Variants in POU2F2 observed in about 807,000 individuals in gnomAD.
POU2F2 encodes the protein POU class 2 homeobox 2, also known as POU domain, class 2, transcription factor 2.
Under a neutral mutation model 63.5 loss-of-function variants are expected in POU2F2, and 14 were observed. That is an observed-to-expected ratio of 0.22 (90% CI 0.15 to 0.34). The LOEUF (loss-of-function observed/expected upper bound fraction) is 0.34. Among genes scored for constraint, POU2F2 ranks in the 10% least tolerant of loss-of-function variants. POU2F2 has a pLI of 1.00. For missense variants in POU2F2, 607 were observed against 815.2 expected (o/e 0.74, Z 3.11); for synonymous variants, 306 against 348.6 (o/e 0.88, Z 1.36).
chr19:42,155,885 G>A lies in POU2F2; in HGVS notation c.-9+4447C>T, dbSNP rs946175017. ...AATGAAGACTAAGAAAAGGAAGAAA[G>A]ATGATGCTGGGGCTGGAGCCAAAGG... On this transcript the variant is annotated intron_variant, in intron 2 of 6. Transcript: ENST00000524801. The surrounding 1 kb of genome is among the most constrained non-coding windows in gnomAD (Gnocchi z 4.2). 1.3e-5 allele frequency: 2 copies of A among 152,486 alleles called. No homozygotes were observed. The highest frequency in any genetic ancestry group is 4.8e-5 in the African/African-American group (2 of 41,454). 9.4% of individuals were successfully genotyped at this position (152,486 alleles called of 1,614,324 possible).
At chr19:42,137,708 A>C (rs528139481) in intron 2 of POU2F2, among the ~76,000 whole-genome samples, 2 of 152,256 alleles carry the variant, frequency 1.3e-5, no homozygotes, top group Non-Finnish European at 2.9e-5. Context: ...ACAGAGAGAG[A>C]CCCTGACTCT....
rs79589916 is a variant in POU2F2 at position 42,185,415 on chromosome 19, T to G, written c.-70+10968A>C. Among the ~76,000 whole-genome samples the G allele has an allele frequency of 5.2e-3, 793 of 152,292 alleles. 21 individuals are homozygous for G. Among genetic ancestry groups the G allele is most frequent in the East Asian group, 0.024 (124 of 5,178 alleles). On this transcript the variant is annotated intron_variant, in intron 1 of 5. Coordinates refer to the POU2F2 transcript ENST00000532176. ...TCACTCCCCTGCTTCAAACTCTTAC[T>G]TCCTGTTGCACACAGGACAAAAGCC...
chr19:42,191,807 G>GTTGTGGTTAAAATCAGGGATTTT (rs2035078065), intron 1 of POU2F2, among the ~76,000 whole-genome samples: 1 of 152,200 alleles, frequency 6.6e-6, no homozygotes, highest in Admixed American at 6.5e-5. Flanking sequence ...TTTGAACTGG[G>GTTGTGGTTAAAATCAGGGATTTT]TTGTGGTTAA....
chr19:42,091,521 G>A lies in POU2F2; in HGVS notation c.1611C>T (p.Ala537=), dbSNP rs1373109156. 1.7e-5 allele frequency: 26 copies of A among 1,546,390 alleles called. No individual in the cohort carries two copies. Among genetic ancestry groups the A allele is most frequent in the South Asian group, 3.6e-5 (3 of 83,476 alleles). ...DGSGNLVLGA[A]GAAPGSPGLV... is the part of the protein sequence containing the mutation. ...GGCCAGGGCTCCCCGGGGCTGCACCGGCTGCCCCCAGCACCAGATTCCCGC... is the reference window on the plus strand; with the variant it reads ...GGCCAGGGCTCCCCGGGGCTGCACCAGCTGCCCCCAGCACCAGATTCCCGC... The change falls in exon 15 of 15, where the codon GCC becomes GCT. Residue 537 remains alanine, a synonymous_variant. Transcript: ENST00000692977.
At chr19:42,186,247 C>A (rs528963259) in intron 1 of POU2F2, among the ~76,000 whole-genome samples, 1 of 152,016 alleles carries the variant, frequency 6.6e-6, no homozygotes. Flanking sequence ...ATGGTGTGAA[C>A]CCGGGAGGCA....
At chr19:42,111,401 A>G (rs891714552) in intron 5 of POU2F2, among the ~76,000 whole-genome samples, 2 of 152,066 alleles carry the variant, frequency 1.3e-5, no homozygotes, top group Admixed American at 6.6e-5. Flanking sequence ...GGCATAAGCC[A>G]CTGTGCCTGG....
At chr19:42,111,550 T>C (rs1453755274) in intron 5 of POU2F2, among the ~76,000 whole-genome samples, 2 of 152,132 alleles carry the variant, frequency 1.3e-5, no homozygotes, top group Non-Finnish European at 2.9e-5. Flanking sequence ...CCCTAACATG[T>C]CCAAAATGAA....
At chr19:42,164,596 G>A (rs151023631) in intron 1 of POU2F2, among the ~76,000 whole-genome samples, 199 of 151,540 alleles carry the variant, frequency 1.3e-3, no homozygotes, top group African/African-American at 4.7e-3. Context: ...CTGAGTTTGG[G>A]TCCCAGGTAT....
chr19:42,141,144 CAA>C (rs1272718597), intron 2 of POU2F2, among the ~76,000 whole-genome samples: 1 of 152,224 alleles, frequency 6.6e-6, no homozygotes, highest in Non-Finnish European at 1.5e-5. Context: ...AATCACTTCC[CAA>C]TGAGGCTGTA....
chr19:42,122,375 G>T lies in POU2F2; in HGVS notation c.98C>A (p.Thr33Asn). The T allele has an allele frequency of 6.2e-7, 1 of 1,611,352 alleles. No individual in the cohort carries two copies. The highest frequency in any genetic ancestry group is 8.5e-7 in the Non-Finnish European group (1 of 1,179,336). Reference sequence around the variant, plus strand: ...ATTAGTGTCTGGTCCATTTCTTTCGGTGTCTGCAAAGAGAGGGAAAGGATG... The same window carrying T: ...ATTAGTGTCTGGTCCATTTCTTTCGTTGTCTGCAAAGAGAGGGAAAGGATG... Reference protein sequence around the residue: ...GLDSPSEHTDTERNGPDTNHQ... With the variant: ...GLDSPSEHTDNERNGPDTNHQ... Residue 33 changes from threonine to asparagine, a missense_variant, in exon 3 of 15, where the codon ACC (threonine) becomes AAC (asparagine). Thr to Asn is a moderately conservative substitution (Grantham distance 65). Coordinates refer to ENST00000692977, the MANE Select transcript of POU2F2 (RefSeq NM_001394376.1).
At chr19:42,145,604 C>T (rs1599661990) in intron 2 of POU2F2, among the ~76,000 whole-genome samples, 1 of 152,330 alleles carries the variant, frequency 6.6e-6, no homozygotes, top group East Asian at 1.9e-4. Context: ...CTGAGATGGA[C>T]ACAAGCTCTT....
At chr19:42,107,272 T>A (rs924209923) in intron 5 of POU2F2, among the ~76,000 whole-genome samples, 4 of 152,030 alleles carry the variant, frequency 2.6e-5, no homozygotes, top group Admixed American at 1.3e-4. Flanking sequence ...GGAGAATCAC[T>A]TGAACCCAGG....
At chr19:42,113,559 A>C (rs1225626496) in intron 5 of POU2F2, among the ~76,000 whole-genome samples, 1 of 152,204 alleles carries the variant, frequency 6.6e-6, no homozygotes, top group East Asian at 1.9e-4. Context: ...TTTCAAAGGG[A>C]TAGCATTTAT....
At chr19:42,194,984 AG>A (rs2035117664) in intron 1 of POU2F2, among the ~76,000 whole-genome samples, 1 of 98,978 alleles carries the variant, frequency 1.0e-5, no homozygotes, top group African/African-American at 4.6e-5. Context: ...GGAGGGAGAA[AG>A]AGAGGGAGGG....
At chr19:42,144,546 G>A (rs1350909299) in intron 2 of POU2F2, among the ~76,000 whole-genome samples, 1 of 152,204 alleles carries the variant, frequency 6.6e-6, no homozygotes, top group Non-Finnish European at 1.5e-5. Flanking sequence ...CAGGAGCTAG[G>A]GACACAGGGT....
upstream of POU2F2, chr19:42,134,434 C>G (rs984500870): frequency 1.5e-4 from 23 of 152,420 alleles, no homozygotes; most frequent in African/African-American, 5.1e-4. Context: ...CCCCACACCT[C>G]TCGCCTCCCA....
At chr19:42,185,439 C>G (rs769208387) in intron 1 of POU2F2, among the ~76,000 whole-genome samples, 1 of 152,158 alleles carries the variant, frequency 6.6e-6, no homozygotes, top group Non-Finnish European at 1.5e-5. Flanking sequence ...AGGACAAAAG[C>G]CAAACTCCTT....
intron 1 of POU2F2, among the ~76,000 whole-genome samples, chr19:42,171,107 C>A (rs369861226): frequency 5.3e-5 from 8 of 152,242 alleles, no homozygotes; most frequent in African/African-American, 1.4e-4. Flanking sequence ...TGTTGTATGA[C>A]CCTCGGCCCA....
chr19:42,106,051 CTTCTTTCTTTCTT>C (rs2029901806), intron 5 of POU2F2, among the ~76,000 whole-genome samples: 1 of 78,970 alleles, frequency 1.3e-5, no homozygotes, highest in African/African-American at 4.5e-5. Context: ...TTCTTTCTTT[CTTCTTTCTTTCTT>C]TTTCTTTCTT....
Sources: allele counts gnomAD v4.1 joint callset (sites outside exome capture counted in the v4.1 genomes callset), GRCh38; gene constraint gnomAD v4.1.1; non-coding constraint Gnocchi (gnomAD v3.1); transcripts MANE v1.5; gene names NCBI Gene and HGNC (gene_info 2026-07-23, HGNC 2026-07-21).